DAPK1: variants seen among roughly 807,000 people sequenced by gnomAD.
DAPK1 encodes death-associated protein kinase 1.
A neutral mutation model predicts 144.9 loss-of-function variants in DAPK1; 56 were observed. That is an observed-to-expected ratio of 0.39 (90% CI 0.31 to 0.48). The LOEUF (loss-of-function observed/expected upper bound fraction) is 0.48, where lower values mean the gene tolerates loss of function less well. Ranked by LOEUF, DAPK1 falls within the 20% of genes least tolerant of loss-of-function variation. The pLI is 0.95. For missense variants in DAPK1, 1,454 were observed against 1,875.4 expected (o/e 0.78, Z 4.15); for synonymous variants, 690 against 749.0 (o/e 0.92, Z 1.29).
chr9:87,563,952 T>C (rs1439360806), intron 2 of DAPK1, among the ~76,000 whole-genome samples: 1 of 152,236 alleles, frequency 6.6e-6, no homozygotes, highest in Non-Finnish European at 1.5e-5. Context: ...GTAGACCTTC[T>C]TGCCACAATG....
intron 3 of DAPK1, among the ~76,000 whole-genome samples, chr9:87,618,869 A>T (rs1165258574): frequency 6.6e-6 from 1 of 152,196 alleles, no homozygotes; most frequent in Non-Finnish European, 1.5e-5. Context: ...ACTAAAACCC[A>T]GTGAGTGGTA....
chr9:87,645,322 AT>A (rs1391573280), intron 11 of DAPK1, among the ~76,000 whole-genome samples: 1 of 152,076 alleles, frequency 6.6e-6, no homozygotes, highest in African/African-American at 2.4e-5. Context: ...TTTAGAGCCT[AT>A]TGTTTTAATT....
At chr9:87,629,843 CCCTTGGAT>C (rs1829609010) in intron 3 of DAPK1, among the ~76,000 whole-genome samples, 1 of 152,208 alleles carries the variant, frequency 6.6e-6, no homozygotes, top group Non-Finnish European at 1.5e-5. Flanking sequence ...AATCCCCCTT[CCCTTGGAT>C]CTGGATAGGC....
intron 2 of DAPK1, among the ~76,000 whole-genome samples, chr9:87,583,589 A>G (rs1476355176): frequency 6.6e-6 from 1 of 152,230 alleles, no homozygotes; most frequent in Non-Finnish European, 1.5e-5. Context: ...GTGAGCAGTG[A>G]AAATCTAAGC....
chr9:87,609,167 T>C (rs544087643), intron 3 of DAPK1, among the ~76,000 whole-genome samples: 110 of 152,310 alleles, frequency 7.2e-4, no homozygotes, highest in African/African-American at 2.5e-3. Context: ...CCTTTGGACT[T>C]AAACTGAAGC....
chr9:87,595,775 A>G (rs1564013573), intron 2 of DAPK1, among the ~76,000 whole-genome samples: 1 of 152,058 alleles, frequency 6.6e-6, no homozygotes, highest in Non-Finnish European at 1.5e-5. Flanking sequence ...CTCTTTCTGC[A>G]TCTCTTTCCT....
At position 87,679,840 on chromosome 9, in the gene DAPK1, G is replaced by A. The variant is rs112022271; in HGVS notation, c.2002-1564G>A. On this transcript the variant is annotated intron_variant, in intron 19 of 25. Coordinates refer to ENST00000408954, the MANE Select transcript of DAPK1 (RefSeq NM_004938.4). ...CCCCTCTGCAGCATGGAGCTTGTAC[G>A]TTGGAGTGCCCCTTCTCTCATCCTC... Among the ~76,000 whole-genome samples the A allele has an allele frequency of 4.8e-4, 73 of 152,264 alleles. 2 individuals carry two copies. The highest frequency in any genetic ancestry group is 1.7e-3 in the African/African-American group (70 of 41,560).
In DAPK1 at chr9:87,681,259, CAA is replaced by C. The variant is rs113121624; in HGVS notation, c.2002-144_2002-143del. ...TGCCATTGCACTCCAGTCTGGGCAA[CAA>C]GAGTGAAACTCCGTCTCAAAAAAGA... is the stretch of plus-strand genomic sequence containing the variant. On this transcript the variant is annotated intron_variant, in intron 19 of 25. Transcript: ENST00000408954. 7.8e-4 allele frequency: 455 copies of C among 582,988 alleles called. 8 individuals are homozygous for C. The highest frequency in any genetic ancestry group is 7.8e-3 in the African/African-American group (379 of 48,834). 36.1% of individuals were successfully genotyped at this position (582,988 alleles called of 1,614,324 possible).
At chr9:87,518,555 G>A (rs568989604) in intron 2 of DAPK1, among the ~76,000 whole-genome samples, 40 of 152,158 alleles carry the variant, frequency 2.6e-4, no homozygotes, top group Middle Eastern at 3.4e-3. Context: ...TTGAAAATTG[G>A]AGCCTCACAA....
At chr9:87,625,991 A>G (rs1216325850) in intron 3 of DAPK1, among the ~76,000 whole-genome samples, 1 of 152,232 alleles carries the variant, frequency 6.6e-6, no homozygotes, top group African/African-American at 2.4e-5. Flanking sequence ...GGATGTGGAC[A>G]CGCAGTTTAT....
chr9:87,657,026 T>C (rs1237811682), intron 17 of DAPK1, among the ~76,000 whole-genome samples: 1 of 152,212 alleles, frequency 6.6e-6, no homozygotes, highest in Non-Finnish European at 1.5e-5. Flanking sequence ...TAACAAAAAC[T>C]GATATTTAAA....
intron 19 of DAPK1, among the ~76,000 whole-genome samples, chr9:87,677,105 G>C (rs1026947938): frequency 1.3e-5 from 2 of 152,220 alleles, no homozygotes; most frequent in African/African-American, 4.8e-5. Context: ...CGTGCACGTG[G>C]AAGTTACTGC....
intron 3 of DAPK1, among the ~76,000 whole-genome samples, chr9:87,617,974 A>G (rs750932186): frequency 2.6e-5 from 4 of 152,122 alleles, no homozygotes; most frequent in Non-Finnish European, 5.9e-5. Context: ...GTCTTCCGTG[A>G]TGTCCTGCAG....
chr9:87,695,296 A>C (rs1041630713), intron 21 of DAPK1, among the ~76,000 whole-genome samples: 2 of 152,216 alleles, frequency 1.3e-5, no homozygotes, highest in Non-Finnish European at 2.9e-5. Flanking sequence ...TAGATCTCAG[A>C]GTGCATCTTG....
At chr9:87,648,693 G>C in intron 14 of DAPK1, 88 bp from the exon 15 acceptor site, 1 of 1,185,952 alleles carries the variant, frequency 8.4e-7, no homozygotes, top group East Asian at 2.3e-5. Flanking sequence ...AGTGGAACCA[G>C]GCAGGCCTGG....
At chr9:87,620,894 C>T (rs1344560755) in intron 3 of DAPK1, among the ~76,000 whole-genome samples, 3 of 152,180 alleles carry the variant, frequency 2.0e-5, no homozygotes, top group East Asian at 1.9e-4. Context: ...CCTGCTTTTC[C>T]GTTTGCCCCA....
In DAPK1 at chr9:87,648,810, T is replaced by A. The variant is rs1259698187; in HGVS notation, c.1359T>A (p.Ala453=). 1.2e-6 allele frequency: 2 copies of A among 1,614,238 alleles called. No individual in the cohort carries two copies. The highest frequency in any genetic ancestry group is 1.7e-6 in the Non-Finnish European group (2 of 1,180,042). The change falls in exon 15 of 26, where the codon GCT becomes GCA. Residue 453 remains alanine (A), a synonymous_variant. Transcript: ENST00000408954. ...GAGAGATGGCCCTCCACGTGGCAGC[T>A]CGCTATGGCCATGCTGACGTGGCTC... ...KSGEMALHVA[A]RYGHADVAQL...
chr9:87,631,934 A>T (rs984488963), intron 3 of DAPK1: 1 of 358,098 alleles, frequency 2.8e-6, no homozygotes, highest in Non-Finnish European at 3.9e-6. Context: ...TGGCAAAAAC[A>T]TCTGCCTTCA....
chr9:87,659,671 C>T (rs541715079), intron 18 of DAPK1, among the ~76,000 whole-genome samples: 17 of 152,234 alleles, frequency 1.1e-4, no homozygotes, highest in Non-Finnish European at 8.8e-5. Flanking sequence ...CTGGCTCCTC[C>T]TCAGGTCCCT....
Sources: gnomAD v4.1 joint callset for allele counts (sites outside exome capture counted in the v4.1 genomes callset) on GRCh38, gnomAD v4.1.1 for gene constraint, MANE v1.5 for transcripts, NCBI Gene and HGNC (gene_info 2026-07-23, HGNC 2026-07-21) for gene names.